Variants in CNBD2 observed in about 807,000 individuals in gnomAD.
CNBD2 encodes the protein cyclic nucleotide binding domain containing 2.
A neutral mutation model predicts 63.7 loss-of-function variants in CNBD2; 64 were observed. The observed-to-expected ratio is 1.00, with a 90% confidence interval of 0.82 to 1.24. The LOEUF is 1.24. Ranked by LOEUF, CNBD2 falls within the 50% of genes most tolerant of loss-of-function variation. The pLI, the probability that CNBD2 is intolerant of heterozygous loss-of-function variation, is 0.00. For missense variants in CNBD2, 691 were observed against 713.5 expected, an observed-to-expected ratio of 0.97 and a Z score of 0.36; for synonymous variants, 229 against 255.4, an observed-to-expected ratio of 0.90 and a Z score of 0.99.
intron 10 of CNBD2, 74 bp from the exon 11 acceptor site, chr20:36,023,528 G>T: frequency 7.6e-7 from 1 of 1,310,374 alleles, no homozygotes; most frequent in Non-Finnish European, 1.0e-6. Flanking sequence ...AAAAATAAAA[G>T]AAAAAAAAGA....
chr20:36,001,460 A>T (rs1255829128), intron 8 of CNBD2, among the ~76,000 whole-genome samples: 10 of 145,018 alleles, frequency 6.9e-5, no homozygotes, highest in Admixed American at 1.4e-4. Context: ...GGCGCCCCTC[A>T]CCTCCCAGAC....
At chr20:35,987,627 T>C (rs2056687396) in intron 7 of CNBD2, 94 bp downstream of exon 7, 3 of 1,423,312 alleles carry the variant, frequency 2.1e-6, no homozygotes, top group Non-Finnish European at 2.9e-6. Context: ...TGAGCCCTTT[T>C]CTGCAACCTG....
chr20:35,966,867 C>G (rs2056349386), upstream of CNBD2, among the ~76,000 whole-genome samples: 1 of 152,154 alleles, frequency 6.6e-6, no homozygotes, highest in African/African-American at 2.4e-5. Context: ...TCTTCTTTCT[C>G]TTTTGTGTTT....
intron 3 of CNBD2, among the ~76,000 whole-genome samples, chr20:35,979,327 G>A (rs989226533): frequency 6.6e-6 from 1 of 152,202 alleles, no homozygotes; most frequent in Non-Finnish European, 1.5e-5. Flanking sequence ...GTTATGATGA[G>A]ACTTAACTAG....
intron 10 of CNBD2, among the ~76,000 whole-genome samples, chr20:36,014,541 G>A (rs1454478878): frequency 1.3e-5 from 2 of 152,028 alleles, no homozygotes; most frequent in Non-Finnish European, 2.9e-5. Context: ...ATGTTGGCCA[G>A]GCTGGTCTGG....
intron 8 of CNBD2, among the ~76,000 whole-genome samples, chr20:36,006,359 G>A (rs543694609): frequency 3.3e-5 from 5 of 151,826 alleles, no homozygotes; most frequent in African/African-American, 1.2e-4. Flanking sequence ...TGTTCTTGAC[G>A]TATAATTTTT....
At chr20:36,003,313 T>C (rs775168062) in intron 8 of CNBD2, among the ~76,000 whole-genome samples, 4 of 152,216 alleles carry the variant, frequency 2.6e-5, no homozygotes, top group Non-Finnish European at 5.9e-5. Context: ...TACTTCTTTG[T>C]ATCCTTCATG....
Position 36,008,418 on chromosome 20 carries a change from C to CA in CNBD2, c.1093dup (p.Arg365LysfsTer37), listed in dbSNP as rs1382844149. 6.2e-7 allele frequency: 1 copy of CA among 1,613,988 alleles called. No individual in the cohort carries two copies. Among genetic ancestry groups the CA allele is most frequent in the African/African-American group, 1.3e-5 (1 of 74,916 alleles). ...GGGGGCTACAGGGGACAAGCTTCAGCAGGAAGATCAGAACCTCAGGAGACA... is the reference window on the plus strand; with the variant it reads ...GGGGGCTACAGGGGACAAGCTTCAGCAAGGAAGATCAGAACCTCAGGAGACA... On this transcript the variant is annotated frameshift_variant, in exon 9 of 12. Coordinates refer to ENST00000373973, the MANE Select transcript of CNBD2 (RefSeq NM_001365709.1). LOFTEE classifies it high-confidence loss of function.
chr20:35,961,211 G>A (rs561429791), intron 2 of CNBD2, among the ~76,000 whole-genome samples: 16 of 152,306 alleles, frequency 1.1e-4, no homozygotes, highest in East Asian at 9.7e-4. Context: ...GATGACAGGC[G>A]TGAGCCACCA....
At chr20:35,979,785 G>C (rs2056571556) in intron 3 of CNBD2, among the ~76,000 whole-genome samples, 1 of 152,194 alleles carries the variant, frequency 6.6e-6, no homozygotes, top group South Asian at 2.1e-4. Flanking sequence ...GAAAAAAACA[G>C]CCCAGGCAGA....
intron 2 of CNBD2, among the ~76,000 whole-genome samples, chr20:35,961,127 C>T (rs1320964267): frequency 6.6e-6 from 1 of 152,108 alleles, no homozygotes; most frequent in Non-Finnish European, 1.5e-5. Context: ...GACAGATTTT[C>T]ACCATGTTAG....
chr20:36,026,915 TG>T (rs1465070156), intron 11 of CNBD2, among the ~76,000 whole-genome samples: 1 of 152,244 alleles, frequency 6.6e-6, no homozygotes, highest in Non-Finnish European at 1.5e-5. Context: ...AAGGCAAGGC[TG>T]TGCTTTATCC....
rs2057329074 is a variant in CNBD2 at position 36,030,337 on chromosome 20, C to T, written c.1440-20C>T. The stretch of plus-strand genomic sequence containing the variant: ...GGCGGGACTGGCATGAGAACCTCGG[C>T]TTCTGTGCCTGCCCTTTAGTGATGA... On this transcript the variant is annotated intron_variant, in intron 11 of 11. Coordinates refer to ENST00000373973, the MANE Select transcript of CNBD2 (RefSeq NM_001365709.1). 1 of 1,612,274 alleles carries T rather than the reference C, an allele frequency of 6.2e-7. No individual in the cohort carries two copies. The highest frequency in any genetic ancestry group is 8.5e-7 in the Non-Finnish European group (1 of 1,178,490).
At chr20:35,967,375 G>C (rs1220649609), upstream of CNBD2, among the ~76,000 whole-genome samples, 1 of 148,084 alleles carries the variant, frequency 6.8e-6, no homozygotes, top group Non-Finnish European at 1.5e-5. Context: ...TCAGCCTCCC[G>C]AGTAGCTGGG....
At chr20:36,006,061 C>T (rs1330965500) in intron 8 of CNBD2, among the ~76,000 whole-genome samples, 27 of 150,372 alleles carry the variant, frequency 1.8e-4, no homozygotes, top group Non-Finnish European at 4.0e-4. Context: ...TAGAGTCTTG[C>T]CCTGTCACCC....
intron 9 of CNBD2, 63 bp downstream of exon 9, chr20:36,008,537 A>G (rs933901621): frequency 2.7e-6 from 4 of 1,467,264 alleles, no homozygotes; most frequent in Non-Finnish European, 2.8e-6. Context: ...GATAATACTT[A>G]TATGGCAGAA....
At chr20:36,023,365 A>G (rs1020095370) in intron 10 of CNBD2, among the ~76,000 whole-genome samples, 1 of 152,086 alleles carries the variant, frequency 6.6e-6, no homozygotes, top group Non-Finnish European at 1.5e-5. Context: ...TCTCTACTCA[A>G]AATACAAAAG....
At chr20:35,987,958 C>T (rs111633961) in intron 7 of CNBD2, among the ~76,000 whole-genome samples, 6,104 of 152,276 alleles carry the variant, frequency 0.04, 266 homozygotes, top group African/African-American at 0.11. Flanking sequence ...CAACCTCTGC[C>T]TCCTGGGTTT....
At chr20:35,984,580 G>T (rs770735249) in intron 5 of CNBD2, 47 bp from the exon 6 acceptor site, 1 of 1,598,548 alleles carries the variant, frequency 6.3e-7, no homozygotes, top group Admixed American at 1.7e-5. Context: ...CTGAGGACAG[G>T]AAGTGGAGGT....
Sources: allele counts gnomAD v4.1 joint callset (sites outside exome capture counted in the v4.1 genomes callset), GRCh38; gene constraint gnomAD v4.1.1; transcripts MANE v1.5; gene names NCBI Gene and HGNC (gene_info 2026-07-23, HGNC 2026-07-21).